Variants in SLC49A4 observed in about 807,000 individuals in gnomAD.
SLC49A4 encodes disrupted in renal cancer protein 2.
In SLC49A4, 36 loss-of-function variants were observed where a neutral mutation model predicts 50.6. That is an observed-to-expected ratio of 0.71 (90% confidence interval 0.55 to 0.94). SLC49A4 has a LOEUF of 0.94. SLC49A4 is among the 40% of genes least tolerant of loss of function. The pLI is 0.00. For missense variants in SLC49A4, 503 were observed against 605.7 expected (o/e 0.83, Z 1.78); for synonymous variants, 248 against 241.2 (o/e 1.03, Z -0.26).
chr3:122,833,067 T>C (rs562608706), intron 3 of SLC49A4, among the ~76,000 whole-genome samples: 1 of 151,978 alleles, frequency 6.6e-6, no homozygotes, highest in Admixed American at 6.6e-5. Context: ...TGAGACCCTA[T>C]CTCTACAAAA....
chr3:122,840,368 C>T (rs1420212045), intron 4 of SLC49A4, among the ~76,000 whole-genome samples: 2 of 151,936 alleles, frequency 1.3e-5, no homozygotes, highest in Admixed American at 1.3e-4. Flanking sequence ...TCATTTGTAC[C>T]CCAAAAGCTA....
chr3:122,854,723 C>A (rs544270678), intron 5 of SLC49A4, among the ~76,000 whole-genome samples: 2 of 152,330 alleles, frequency 1.3e-5, no homozygotes, highest in South Asian at 4.1e-4. Flanking sequence ...GACATGTCAT[C>A]TAGCTAAGTA....
intron 2 of SLC49A4, among the ~76,000 whole-genome samples, chr3:122,822,063 G>GCCTCA (rs745496308): frequency 4.3e-4 from 66 of 152,230 alleles, no homozygotes; most frequent in Non-Finnish European, 8.1e-4. Context: ...ATGGGAGTGA[G>GCCTCA]GCCTGTGGGG....
intron 5 of SLC49A4, among the ~76,000 whole-genome samples, chr3:122,846,546 G>A (rs1936855734): frequency 6.6e-6 from 1 of 152,114 alleles, no homozygotes; most frequent in South Asian, 2.1e-4. Context: ...CATTTCTACT[G>A]GATACATATC....
intron 1 of SLC49A4, among the ~76,000 whole-genome samples, chr3:122,804,230 G>A (rs1936177322): frequency 6.6e-6 from 1 of 152,166 alleles, no homozygotes; most frequent in South Asian, 2.1e-4. Context: ...AGTCGGGGAG[G>A]GGGATGCCAC....
intron 2 of SLC49A4, among the ~76,000 whole-genome samples, chr3:122,822,724 A>G (rs1429084531): frequency 6.6e-6 from 1 of 151,892 alleles, no homozygotes; most frequent in Non-Finnish European, 1.5e-5. Flanking sequence ...GCTCCTTCTC[A>G]ATCATCTTGC....
At chr3:122,864,256 T>C (rs1937089563) in intron 7 of SLC49A4, among the ~76,000 whole-genome samples, 1 of 152,236 alleles carries the variant, frequency 6.6e-6, no homozygotes, top group Admixed American at 6.5e-5. Context: ...CATTATGTCT[T>C]TATTTAAATT....
At chr3:122,879,167 T>C in intron 8 of SLC49A4, 96 bp from the exon 9 acceptor site, 1 of 847,516 alleles carries the variant, frequency 1.2e-6, no homozygotes, top group South Asian at 1.6e-5. Context: ...TTATTATAAG[T>C]ACTTTTTAAT....
chr3:122,846,333 A>G (rs759593387), intron 5 of SLC49A4, among the ~76,000 whole-genome samples: 1 of 152,160 alleles, frequency 6.6e-6, no homozygotes, highest in Non-Finnish European at 1.5e-5. Flanking sequence ...TCCAGATAGC[A>G]TGGTAGAAAG....
chr3:122,833,749 A>G (rs1384101647), intron 4 of SLC49A4, among the ~76,000 whole-genome samples: 7 of 152,104 alleles, frequency 4.6e-5, no homozygotes, highest in African/African-American at 1.4e-4. Flanking sequence ...AAAGAATCCC[A>G]TATCATACAA....
intron 7 of SLC49A4, among the ~76,000 whole-genome samples, chr3:122,867,683 T>C (rs1036772182): frequency 6.6e-6 from 1 of 152,260 alleles, no homozygotes; most frequent in Non-Finnish European, 1.5e-5. Context: ...TAACTTTAGT[T>C]AATAAAAATG....
intron 7 of SLC49A4, among the ~76,000 whole-genome samples, chr3:122,866,530 T>C (rs1400063496): frequency 4.6e-5 from 7 of 152,142 alleles, no homozygotes; most frequent in Non-Finnish European, 8.8e-5. Context: ...AGAGAAGACA[T>C]CACCTGTTTT....
chr3:122,803,250 G>T (rs1224521284), intron 1 of SLC49A4, among the ~76,000 whole-genome samples: 2 of 152,256 alleles, frequency 1.3e-5, no homozygotes, highest in South Asian at 2.1e-4. Flanking sequence ...TGATCTGGAA[G>T]TGGCAGGGAA....
At chr3:122,827,752 T>A (rs1936553034) in intron 3 of SLC49A4, among the ~76,000 whole-genome samples, 1 of 152,210 alleles carries the variant, frequency 6.6e-6, no homozygotes, top group Non-Finnish European at 1.5e-5. Context: ...TGCTAAGCAC[T>A]AGGAATTGGT....
At chr3:122,812,460 A>G (rs1936311985) in intron 2 of SLC49A4, among the ~76,000 whole-genome samples, 1 of 152,230 alleles carries the variant, frequency 6.6e-6, no homozygotes, top group Non-Finnish European at 1.5e-5. Context: ...AGATTCCCCT[A>G]TATCAGTGTC....
chr3:122,807,044 CG>C, intron 2 of SLC49A4, 94 bp downstream of exon 2: 1 of 672,348 alleles, frequency 1.5e-6, no homozygotes, highest in Non-Finnish European at 2.5e-6. Context: ...TTTATAGAAG[CG>C]TTTATTTTTT....
chr3:122,802,751 A>G (rs1356834383), intron 1 of SLC49A4, among the ~76,000 whole-genome samples: 1 of 152,206 alleles, frequency 6.6e-6, no homozygotes, highest in Non-Finnish European at 1.5e-5. Flanking sequence ...AAATATAATC[A>G]ATGTCTGAGA....
chr3:122,820,242 G>A (rs1375893525), intron 2 of SLC49A4, among the ~76,000 whole-genome samples: 1 of 152,178 alleles, frequency 6.6e-6, no homozygotes, highest in Non-Finnish European at 1.5e-5. Flanking sequence ...GAGATTTGTG[G>A]ACTGATGAAA....
At chr3:122,854,536 T>C (rs944902825) in intron 5 of SLC49A4, among the ~76,000 whole-genome samples, 2 of 152,228 alleles carry the variant, frequency 1.3e-5, no homozygotes, top group Non-Finnish European at 2.9e-5. Context: ...CTTGTCATTA[T>C]ATGCATGGGT....
Sources: gnomAD v4.1 joint callset for allele counts (sites outside exome capture counted in the v4.1 genomes callset) on GRCh38, gnomAD v4.1.1 for gene constraint, MANE v1.5 for transcripts, NCBI Gene and HGNC (gene_info 2026-07-23, HGNC 2026-07-21) for gene names.